Variants in PDE10A observed in about 807,000 individuals in gnomAD.
The protein encoded by PDE10A is phosphodiesterase 10A, also known as cAMP and cAMP-inhibited cGMP 3',5'-cyclic phosphodiesterase 10A.
Under a neutral mutation model 97.7 loss-of-function variants are expected in PDE10A, and 39 were observed. The observed-to-expected ratio is 0.40, with a 90% CI of 0.31 to 0.52. The LOEUF is 0.52. Ranked by LOEUF, PDE10A falls within the 20% of genes least tolerant of loss-of-function variation. PDE10A has a pLI of 0.56. For missense variants in PDE10A, 731 were observed against 1,047.8 expected, an observed-to-expected ratio of 0.70 and a Z score of 4.17; for synonymous variants, 371 against 376.8, an observed-to-expected ratio of 0.98 and a Z score of 0.18.
At chr6:165,954,025 C>T (rs1255549893) in intron 1 of PDE10A, among the ~76,000 whole-genome samples, 1 of 152,180 alleles carries the variant, frequency 6.6e-6, no homozygotes, top group Non-Finnish European at 1.5e-5. Flanking sequence ...TTCCAGATTG[C>T]TTCTTTCACT....
intron 1 of PDE10A, among the ~76,000 whole-genome samples, chr6:165,900,724 G>C (rs899213904): frequency 6.6e-6 from 1 of 152,204 alleles, no homozygotes; most frequent in Non-Finnish European, 1.5e-5. Context: ...CAGAGACAAA[G>C]TTTACTTCCC....
intron 10 of PDE10A, among the ~76,000 whole-genome samples, chr6:165,422,950 G>A (rs1394378605): frequency 6.6e-6 from 1 of 152,018 alleles, no homozygotes; most frequent in Non-Finnish European, 1.5e-5. Context: ...AAAAAATTAG[G>A]AAACAAATGT....
At chr6:165,482,192 G>T in intron 3 of PDE10A, 123 bp downstream of exon 3, 1 of 761,564 alleles carries the variant, frequency 1.3e-6, no homozygotes, top group Non-Finnish European at 2.4e-6. Context: ...TGATACTTTG[G>T]AGAGGAAACT....
At chr6:165,972,961 C>T (rs1784731838) in intron 1 of PDE10A, among the ~76,000 whole-genome samples, 1 of 152,040 alleles carries the variant, frequency 6.6e-6, no homozygotes, top group Admixed American at 6.5e-5. Flanking sequence ...CACCCTCTCT[C>T]CTTCTCTCTT....
chr6:165,879,496 C>T (rs1291773603), intron 1 of PDE10A, among the ~76,000 whole-genome samples: 1 of 152,160 alleles, frequency 6.6e-6, no homozygotes, highest in Non-Finnish European at 1.5e-5. Context: ...TTGGATTAGA[C>T]CCACCCCAAT....
intron 1 of PDE10A, among the ~76,000 whole-genome samples, chr6:165,817,855 G>A (rs371484133): frequency 4.6e-5 from 7 of 152,288 alleles, no homozygotes; most frequent in East Asian, 1.9e-4. Flanking sequence ...AAGGTCCTAC[G>A]CATCCAATTC....
chr6:165,678,198 TA>T (rs1244148280), intron 1 of PDE10A, among the ~76,000 whole-genome samples: 2 of 148,984 alleles, frequency 1.3e-5, no homozygotes, highest in East Asian at 2.0e-4. Context: ...TCTGTGTATG[TA>T]TATGTGTGTC....
At chr6:165,394,828 G>T (rs1415634145) in intron 15 of PDE10A, among the ~76,000 whole-genome samples, 3 of 152,140 alleles carry the variant, frequency 2.0e-5, no homozygotes, top group Admixed American at 2.0e-4. Context: ...GTGATGATGA[G>T]ATTTTTTTCA....
intron 11 of PDE10A, 79 bp from the exon 12 acceptor site, chr6:165,416,360 A>G (rs1314505020): frequency 1.1e-6 from 1 of 929,856 alleles, no homozygotes; most frequent in Non-Finnish European, 1.8e-6. Context: ...CATTGTTAAT[A>G]ATATTGAATT....
chr6:165,621,885 A>G (rs62424870), intron 1 of PDE10A, among the ~76,000 whole-genome samples: 15,956 of 152,242 alleles, frequency 0.1, 928 homozygotes, highest in Non-Finnish European at 0.13. Flanking sequence ...GGTTAACTCT[A>G]TAAGACAGCT....
At chr6:165,766,331 C>CT (rs1368149896) in intron 1 of PDE10A, among the ~76,000 whole-genome samples, 1 of 152,232 alleles carries the variant, frequency 6.6e-6, no homozygotes, top group Admixed American at 6.5e-5. Flanking sequence ...AAGATTCAGC[C>CT]TTTTATATGA....
chr6:165,972,062 A>G (rs2128501330), intron 1 of PDE10A, among the ~76,000 whole-genome samples: 1 of 152,328 alleles, frequency 6.6e-6, no homozygotes, highest in African/African-American at 2.4e-5. Context: ...AAGAAAAGGT[A>G]CACGCTGTAA....
Position 165,543,450 on chromosome 6 carries a change from G to C in PDE10A, c.984C>G (p.Asn328Lys). 6.2e-7 allele frequency: 1 copy of C among 1,612,168 alleles called. No individual in the cohort carries two copies. Among genetic ancestry groups the C allele is most frequent in the Non-Finnish European group, 8.5e-7 (1 of 1,179,348 alleles). Residue 328 changes from asparagine to lysine, a missense_variant, in exon 2 of 22, where the codon AAC becomes AAG. By Grantham distance (94) the Asn-to-Lys change is moderately conservative. Around this residue, in one of 8 missense-constraint regions of PDE10A, gnomAD observed 181 missense variants for 159.1 expected, o/e 1.14. Coordinates refer to ENST00000539869, the MANE Select transcript of PDE10A (RefSeq NM_001385079.1). ...CACAAGAGACCTTACCTTCTGATTT[G>C]TTGTTCTTCCTCTTCAGCCATTTCT... The part of the protein sequence containing the change: ...TVEKWLKRKN[N>K]KSEDESAPKE...
chr6:165,840,530 C>A (rs1780230946), intron 1 of PDE10A, among the ~76,000 whole-genome samples: 3 of 152,180 alleles, frequency 2.0e-5, no homozygotes, highest in Admixed American at 2.0e-4. Context: ...TGACTGGGCA[C>A]TTGAAGGCGC....
At chr6:165,714,458 C>A (rs983445453) in intron 1 of PDE10A, among the ~76,000 whole-genome samples, 1 of 152,110 alleles carries the variant, frequency 6.6e-6, no homozygotes, top group African/African-American at 2.4e-5. Context: ...AGCTTTCTTT[C>A]CAAAATAAGA....
rs66686171 is a variant in PDE10A at position 165,943,327 on chromosome 6, GAA to G, written c.-615+44200_-615+44201del. Among the ~76,000 whole-genome samples, 74 of 72,570 alleles carry G rather than the reference GAA, an allele frequency of 1.0e-3. 4 individuals carry two copies. Among genetic ancestry groups the G allele is most frequent in the African/African-American group, 2.2e-3 (32 of 14,578 alleles). The allele number at this position is 72,570 out of a possible 152,430, so 47.6% of individuals were successfully genotyped here. On this transcript the variant is annotated intron_variant, in intron 1 of 19. Coordinates refer to the PDE10A transcript ENST00000366882. ...AGAAAGAAGGAAGGAAGGAAAGAAA[GAA>G]AAAGAAAGAAAGAAAAGAGAAAGAA...
chr6:165,540,154 C>T (rs892847675), intron 2 of PDE10A, among the ~76,000 whole-genome samples: 1 of 152,122 alleles, frequency 6.6e-6, no homozygotes, highest in African/African-American at 2.4e-5. Flanking sequence ...CAGTTCATGC[C>T]TTCAAATTGA....
At chr6:165,341,830 T>G (rs1359142029) in intron 19 of PDE10A, among the ~76,000 whole-genome samples, 1 of 152,164 alleles carries the variant, frequency 6.6e-6, no homozygotes, top group Non-Finnish European at 1.5e-5. Context: ...GAGAGATCAC[T>G]TTTTACTGTG....
intron 5 of PDE10A, among the ~76,000 whole-genome samples, chr6:165,441,635 C>A (rs1313054901): frequency 3.3e-5 from 5 of 151,868 alleles, no homozygotes; most frequent in African/African-American, 9.7e-5. Flanking sequence ...TCCTTTTTTC[C>A]CAAGTTCTGA....
Sources: allele counts gnomAD v4.1 joint callset (sites outside exome capture counted in the v4.1 genomes callset), GRCh38; gene constraint gnomAD v4.1.1; regional missense constraint gnomAD v4.1.1; transcripts MANE v1.5; gene names NCBI Gene and HGNC (gene_info 2026-07-23, HGNC 2026-07-21).